DAB1: variants seen among roughly 807,000 people sequenced by gnomAD.
The protein encoded by DAB1 is disabled homolog 1.
Under a neutral mutation model 64.6 loss-of-function variants are expected in DAB1, and 15 were observed. The observed-to-expected ratio is 0.23, with a 90% CI of 0.16 to 0.36. The LOEUF (loss-of-function observed/expected upper bound fraction) is 0.36. DAB1 is among the 10% of genes least tolerant of loss of function. The pLI is 1.00. For missense variants in DAB1, 596 were observed against 706.7 expected (o/e 0.84, Z 1.78); for synonymous variants, 235 against 251.9 (o/e 0.93, Z 0.64).
At chr1:57,529,699 G>A (rs1644638050) in intron 7 of DAB1, among the ~76,000 whole-genome samples, 1 of 152,072 alleles carries the variant, frequency 6.6e-6, no homozygotes, top group Non-Finnish European at 1.5e-5. Context: ...AAACATATAT[G>A]TACTTAATAG....
At chr1:57,126,796 C>T (rs933028451) in intron 4 of DAB1, among the ~76,000 whole-genome samples, 1 of 152,210 alleles carries the variant, frequency 6.6e-6, no homozygotes, top group Non-Finnish European at 1.5e-5. Context: ...AGCCCCCAGG[C>T]TCAATCCTGG....
At chr1:57,590,978 GA>G (rs1484156976) in intron 7 of DAB1, among the ~76,000 whole-genome samples, 5 of 152,146 alleles carry the variant, frequency 3.3e-5, no homozygotes, top group Admixed American at 6.5e-5. Flanking sequence ...CTTTAGAGAT[GA>G]GAGCCAAGAA....
intron 1 of DAB1, among the ~76,000 whole-genome samples, chr1:57,393,447 C>G (rs1682553504): frequency 6.6e-6 from 1 of 152,042 alleles, no homozygotes; most frequent in South Asian, 2.1e-4. Flanking sequence ...AATCGTAGCA[C>G]TTTGGGAGAT....
chr1:58,397,758 C>A (rs1008411939), intron 3 of DAB1, among the ~76,000 whole-genome samples: 1 of 152,186 alleles, frequency 6.6e-6, no homozygotes, highest in Non-Finnish European at 1.5e-5. Flanking sequence ...CCCACCACCC[C>A]GCATCAAAGT....
At chr1:58,288,851 G>A (rs1661751806) in intron 4 of DAB1, among the ~76,000 whole-genome samples, 2 of 152,064 alleles carry the variant, frequency 1.3e-5, no homozygotes, top group East Asian at 1.9e-4. Context: ...TTGCTAAAGG[G>A]GAAATCTTTA....
intron 5 of DAB1, among the ~76,000 whole-genome samples, chr1:58,083,982 G>A (rs1487123374): frequency 2.0e-5 from 3 of 152,202 alleles, no homozygotes; most frequent in African/African-American, 7.2e-5. Context: ...CCTGCTTGCT[G>A]TGTTGTTATA....
At chr1:57,627,913 C>G (rs944117225) in intron 7 of DAB1, among the ~76,000 whole-genome samples, 2 of 141,604 alleles carry the variant, frequency 1.4e-5, no homozygotes, top group African/African-American at 5.0e-5. Flanking sequence ...AGTTAACTCT[C>G]CTTGCACTAC....
chr1:58,173,328 T>C (rs1317454784), intron 4 of DAB1, among the ~76,000 whole-genome samples: 3 of 152,186 alleles, frequency 2.0e-5, no homozygotes, highest in Non-Finnish European at 2.9e-5. Flanking sequence ...ACTGCTGAGT[T>C]ACCCAAACAG....
chr1:57,702,770 A>G (rs1646921472), intron 6 of DAB1, among the ~76,000 whole-genome samples: 1 of 152,178 alleles, frequency 6.6e-6, no homozygotes, highest in Admixed American at 6.5e-5. Context: ...TGAAGGCATC[A>G]TGCTACCAGA....
intron 3 of DAB1, among the ~76,000 whole-genome samples, chr1:58,443,500 G>A (rs377223310): frequency 2.0e-4 from 30 of 152,158 alleles, no homozygotes; most frequent in Non-Finnish European, 4.0e-4. Context: ...TAGACAAAGA[G>A]CATTAGTGGA....
intron 1 of DAB1, among the ~76,000 whole-genome samples, chr1:57,861,557 A>G (rs1294815950): frequency 6.6e-6 from 1 of 152,158 alleles, no homozygotes; most frequent in East Asian, 1.9e-4. Flanking sequence ...TCCATTGCCA[A>G]CCTGCATTCA....
At chr1:58,388,009 G>T (rs533536283) in intron 3 of DAB1, among the ~76,000 whole-genome samples, 4 of 152,018 alleles carry the variant, frequency 2.6e-5, no homozygotes, top group Non-Finnish European at 4.4e-5. Flanking sequence ...TTATAGGCGT[G>T]AGCCACCATG....
intron 5 of DAB1, among the ~76,000 whole-genome samples, chr1:57,894,712 G>C (rs1644368401): frequency 1.3e-5 from 2 of 152,110 alleles, no homozygotes; most frequent in Admixed American, 1.3e-4. Flanking sequence ...GATCACCCTG[G>C]CTGCCCTGTG....
chr1:57,100,524 T>A (rs1357036011), intron 4 of DAB1, among the ~76,000 whole-genome samples: 1 of 152,212 alleles, frequency 6.6e-6, no homozygotes, highest in Admixed American at 6.5e-5. Context: ...ATGGACATGC[T>A]GTATTATACT....
At chr1:57,248,264 A>T (rs670388) in intron 2 of DAB1, among the ~76,000 whole-genome samples, 88,100 of 150,872 alleles carry the variant, frequency 0.58, 25,834 homozygotes, top group Admixed American at 0.66. Flanking sequence ...TGTTTTTTTT[A>T]AAAAAATACT....
intron 3 of DAB1, among the ~76,000 whole-genome samples, chr1:58,379,887 T>A (rs12129130): frequency 0.038 from 5,863 of 152,296 alleles, 190 homozygotes; most frequent in East Asian, 0.18. Context: ...CCTCTCAGTT[T>A]CATTAACTAA....
chr1:57,497,542 G>T (rs1389863539), intron 7 of DAB1, among the ~76,000 whole-genome samples: 3 of 152,186 alleles, frequency 2.0e-5, no homozygotes, highest in African/African-American at 7.2e-5. Flanking sequence ...GAATTATATG[G>T]TGCCAGAAGA....
chr1:57,510,515 T>C (rs557965014), intron 7 of DAB1, among the ~76,000 whole-genome samples: 1 of 152,296 alleles, frequency 6.6e-6, no homozygotes, highest in South Asian at 2.1e-4. Flanking sequence ...CCCAAGTTTA[T>C]ATTTCTTGCA....
At chr1:58,043,472 C>T (rs1375301261) in intron 5 of DAB1, among the ~76,000 whole-genome samples, 1 of 152,176 alleles carries the variant, frequency 6.6e-6, no homozygotes, top group Admixed American at 6.5e-5. Flanking sequence ...TTTACCTCTT[C>T]TATTTCCACT....
Sources: gnomAD v4.1 joint callset for allele counts (sites outside exome capture counted in the v4.1 genomes callset) on GRCh38, gnomAD v4.1.1 for gene constraint, MANE v1.5 for transcripts, NCBI Gene and HGNC (gene_info 2026-07-23, HGNC 2026-07-21) for gene names.